Variants in PTPRD observed in about 807,000 individuals in gnomAD.
The protein encoded by PTPRD is protein tyrosine phosphatase receptor type D.
In PTPRD, 34 loss-of-function variants were observed where a neutral mutation model predicts 214.5. That is an observed-to-expected ratio of 0.16 (90% CI 0.12 to 0.21). The LOEUF (loss-of-function observed/expected upper bound fraction) is 0.21. Ranked by LOEUF, PTPRD falls within the 10% of genes least tolerant of loss-of-function variation. The pLI is 1.00. For missense variants in PTPRD, 2,545 were observed against 2,398.7 expected, an observed-to-expected ratio of 1.06 and a Z score of -1.27; for synonymous variants, 1,128 against 845.7, an observed-to-expected ratio of 1.33 and a Z score of -5.79.
At chr9:9,046,947 G>T (rs957177706) in intron 10 of PTPRD, among the ~76,000 whole-genome samples, 2 of 152,058 alleles carry the variant, frequency 1.3e-5, no homozygotes, top group African/African-American at 2.4e-5. Flanking sequence ...GAAATAAAAG[G>T]CATCCAAATT....
chr9:10,523,132 G>C (rs920976576), intron 2 of PTPRD, among the ~76,000 whole-genome samples: 2 of 151,968 alleles, frequency 1.3e-5, no homozygotes, highest in Non-Finnish European at 2.9e-5. Flanking sequence ...TAAAATCAGA[G>C]TGGTAGGTCT....
intron 38 of PTPRD, 46 bp from the exon 39 acceptor site, chr9:8,376,136 G>C (rs369320978): frequency 1.2e-6 from 2 of 1,604,522 alleles, no homozygotes; most frequent in African/African-American, 2.7e-5. Flanking sequence ...CCAAGCCTCA[G>C]GTGGTAATGA....
At chr9:9,036,089 G>A (rs547928107) in intron 10 of PTPRD, among the ~76,000 whole-genome samples, 1 of 151,936 alleles carries the variant, frequency 6.6e-6, no homozygotes, top group East Asian at 1.9e-4. Flanking sequence ...TCAACTGACT[G>A]ACTCACTAAT....
At chr9:9,251,721 G>A (rs1335523564) in intron 9 of PTPRD, among the ~76,000 whole-genome samples, 1 of 151,998 alleles carries the variant, frequency 6.6e-6, no homozygotes, top group Non-Finnish European at 1.5e-5. Context: ...ATAGCATAAT[G>A]GGGTACTTTG....
chr9:9,054,359 A>G (rs1468618383), intron 10 of PTPRD, among the ~76,000 whole-genome samples: 1 of 152,206 alleles, frequency 6.6e-6, no homozygotes, highest in African/African-American at 2.4e-5. Context: ...AACATCTGAG[A>G]CTTCTCTGGA....
intron 30 of PTPRD, among the ~76,000 whole-genome samples, chr9:8,473,732 A>G (rs1486563388): frequency 2.0e-5 from 3 of 151,890 alleles, no homozygotes. Flanking sequence ...CCCACTATTC[A>G]TTTTACTTGT....
At position 9,209,567 on chromosome 9, in the gene PTPRD, G is replaced by C. The variant is rs114277241; in HGVS notation, c.-202-26204C>G. 7.4e-3 allele frequency among the ~76,000 whole-genome samples: 1,125 copies of C among 152,234 alleles called. 10 individuals are homozygous for C. The highest frequency in any genetic ancestry group is 0.026 in the African/African-American group (1,093 of 41,550). On this transcript the variant is annotated intron_variant, in intron 9 of 45. Transcript: ENST00000381196. The stretch of plus-strand genomic sequence containing the variant: ...CTTAGAGATATCTACTGAAATATTT[G>C]TGTATCAAATGATATGATGTCTGGA...
chr9:9,533,919 T>A, intron 8 of PTPRD, among the ~76,000 whole-genome samples: 1 of 152,082 alleles, frequency 6.6e-6, no homozygotes, highest in East Asian at 1.9e-4. Context: ...TTTTACTGTA[T>A]CCTTACTTAA....
chr9:8,480,226 C>A (rs1010029368), intron 30 of PTPRD, among the ~76,000 whole-genome samples: 1 of 152,130 alleles, frequency 6.6e-6, no homozygotes, highest in Admixed American at 6.5e-5. Context: ...CTTTCTCTTG[C>A]CTCTACACCA....
intron 12 of PTPRD, among the ~76,000 whole-genome samples, chr9:8,669,449 C>T (rs2097235035): frequency 6.6e-6 from 1 of 152,042 alleles, no homozygotes; most frequent in African/African-American, 2.4e-5. Context: ...GTGAGGTGTA[C>T]CAGGGAGAAG....
intron 39 of PTPRD, among the ~76,000 whole-genome samples, chr9:8,370,624 G>C (rs1361092441): frequency 6.6e-6 from 1 of 152,092 alleles, no homozygotes; most frequent in Non-Finnish European, 1.5e-5. Flanking sequence ...TTTAGAAAGA[G>C]TGAAAGAAAG....
chr9:9,481,476 G>C (rs935995886), intron 8 of PTPRD, among the ~76,000 whole-genome samples: 25 of 152,092 alleles, frequency 1.6e-4, no homozygotes, highest in Admixed American at 1.5e-3. Flanking sequence ...AGACACAGTA[G>C]GTAGGACTAG....
chr9:9,732,871 C>T (rs2098223335), intron 7 of PTPRD, among the ~76,000 whole-genome samples: 1 of 151,726 alleles, frequency 6.6e-6, no homozygotes, highest in African/African-American at 2.4e-5. Context: ...ATTTCTTGAA[C>T]CCAGGAGGCC....
intron 10 of PTPRD, among the ~76,000 whole-genome samples, chr9:9,038,883 A>C (rs1214488685): frequency 6.6e-6 from 1 of 151,812 alleles, no homozygotes; most frequent in Non-Finnish European, 1.5e-5. Context: ...TAATTTAAAA[A>C]TTTTTCCCTC....
chr9:9,653,660 A>T (rs1038964823), intron 7 of PTPRD, among the ~76,000 whole-genome samples: 12 of 152,146 alleles, frequency 7.9e-5, no homozygotes, highest in African/African-American at 2.9e-4. Flanking sequence ...AGAAAAAAGC[A>T]TTCCAATATA....
At chr9:10,483,170 A>G (rs1398973583) in intron 2 of PTPRD, among the ~76,000 whole-genome samples, 1 of 152,190 alleles carries the variant, frequency 6.6e-6, no homozygotes, top group East Asian at 1.9e-4. Flanking sequence ...TCATATAAAA[A>G]CACAAATTGG....
At chr9:9,394,969 C>T (rs1475732246) in intron 9 of PTPRD, among the ~76,000 whole-genome samples, 1 of 152,056 alleles carries the variant, frequency 6.6e-6, no homozygotes, top group East Asian at 1.9e-4. Context: ...AATGCATGTT[C>T]AGGTACCATA....
intron 10 of PTPRD, among the ~76,000 whole-genome samples, chr9:9,086,516 C>A (rs1413497236): frequency 6.6e-6 from 1 of 152,094 alleles, no homozygotes; most frequent in African/African-American, 2.4e-5. Context: ...CCTTTATAAA[C>A]CATTATAAGC....
rs545474964 is a variant in PTPRD, at chr9:10,140,246, A to C, written c.-544-106456T>G. Reference sequence around the variant, plus strand: ...TAAATTAATCAATAAGCAAAAAACAAATAACCCCATGAAAAAGTGGAGAAA... The same window carrying C: ...TAAATTAATCAATAAGCAAAAAACACATAACCCCATGAAAAAGTGGAGAAA... On this transcript the variant is annotated intron_variant, in intron 3 of 45. Coordinates refer to ENST00000381196, the MANE Select transcript of PTPRD (RefSeq NM_002839.4). Among the ~76,000 whole-genome samples the C allele has an allele frequency of 1.1e-4, 16 of 152,122 alleles. No homozygotes were observed. In the South Asian group the frequency reaches 3.3e-3, roughly 32 times the overall value.
Sources: allele counts gnomAD v4.1 joint callset (sites outside exome capture counted in the v4.1 genomes callset), GRCh38; gene constraint gnomAD v4.1.1; transcripts MANE v1.5; gene names NCBI Gene and HGNC (gene_info 2026-07-23, HGNC 2026-07-21).